Variants in ADIPOR2 observed in about 807,000 individuals in gnomAD.
The protein encoded by ADIPOR2 is adiponectin receptor 2, also known as adiponectin receptor protein 2.
A neutral mutation model predicts 40.9 loss-of-function variants in ADIPOR2; 18 were observed. That is an observed-to-expected ratio of 0.44 (90% CI 0.30 to 0.65). The LOEUF (loss-of-function observed/expected upper bound fraction) is 0.65. Ranked by LOEUF, ADIPOR2 falls within the 30% of genes least tolerant of loss-of-function variation. The pLI is 0.09. For synonymous variants in ADIPOR2, 165 were observed against 166.4 expected (o/e 0.99, Z 0.06); for missense variants, 283 against 479.2 (o/e 0.59, Z 3.82).
intron 1 of ADIPOR2, among the ~76,000 whole-genome samples, chr12:1,704,307 C>T (rs1205559383): frequency 6.6e-6 from 1 of 151,896 alleles, no homozygotes; most frequent in Non-Finnish European, 1.5e-5. Flanking sequence ...TGACTTGATC[C>T]AGAAATAGAA....
At chr12:1,765,662 C>T (rs904381609) in intron 2 of ADIPOR2, among the ~76,000 whole-genome samples, 8 of 152,140 alleles carry the variant, frequency 5.3e-5, no homozygotes, top group African/African-American at 1.9e-4. Flanking sequence ...TCTCAGCCAC[C>T]CTTGATTTCA....
chr12:1,749,144 G>A (rs2094763478), intron 1 of ADIPOR2, among the ~76,000 whole-genome samples: 1 of 152,208 alleles, frequency 6.6e-6, no homozygotes, highest in African/African-American at 2.4e-5. Context: ...GAAGGGACGT[G>A]CAGGGCTACG....
chr12:1,699,860 T>A (rs192589044), intron 1 of ADIPOR2, among the ~76,000 whole-genome samples: 1 of 152,288 alleles, frequency 6.6e-6, no homozygotes, highest in East Asian at 1.9e-4. Context: ...TTACTTATGG[T>A]TTTGAGTTTT....
In ADIPOR2 at chr12:1,754,400, A is replaced by C. The variant is rs1862068024; in HGVS notation, c.57A>C (p.Ile19=). The stretch of plus-strand genomic sequence containing the variant: ...GCAGCAGGACTCCAGAGCCAGATAT[A>C]AGGCTCAGAAAAGGGCACCAACTGG... ...LGCSRTPEPD[I]RLRKGHQLDG... Residue 19 remains isoleucine, a synonymous_variant, in exon 2 of 8, where the codon ATA becomes ATC. Coordinates refer to ENST00000357103, the MANE Select transcript of ADIPOR2 (RefSeq NM_024551.3). 1.2e-6 allele frequency: 2 copies of C among 1,613,484 alleles called. No individual in the cohort carries two copies. Among genetic ancestry groups the C allele is most frequent in the Non-Finnish European group, 8.5e-7 (1 of 1,179,674 alleles).
At position 1,743,674 on chromosome 12, in the gene ADIPOR2, A is replaced by T. The variant is rs2094748603; in HGVS notation, c.-86-10584A>T. ...TGAGACCCTATCTCTAAAAATATTA[A>T]ATTAAAAAAAACCCATACAACTCAA... On this transcript the variant is annotated intron_variant, in intron 1 of 7. Transcript: ENST00000357103. 2.0e-5 allele frequency among the ~76,000 whole-genome samples: 3 copies of T among 152,162 alleles called. 1 individual carries two copies. The highest frequency in any genetic ancestry group is 4.4e-5 in the Non-Finnish European group (3 of 68,032).
intron 6 of ADIPOR2, among the ~76,000 whole-genome samples, chr12:1,782,976 C>CTTTTTTTTTTTTTTTTTTTTTTTT (rs71055199): frequency 2.7e-4 from 30 of 109,756 alleles, no homozygotes; most frequent in Middle Eastern, 5.1e-3. Context: ...TTCTTTCTTT[C>CTTTTTTTTTTTTTTTTTTTTTTTT]TTTTTTTTTT....
At chr12:1,710,843 T>C (rs1448683270) in intron 1 of ADIPOR2, among the ~76,000 whole-genome samples, 1 of 152,082 alleles carries the variant, frequency 6.6e-6, no homozygotes, top group Non-Finnish European at 1.5e-5. Flanking sequence ...TGGGGTTCCA[T>C]TTGTAAGACC....
chr12:1,773,548 T>C (rs1862530018), intron 3 of ADIPOR2, among the ~76,000 whole-genome samples: 1 of 146,972 alleles, frequency 6.8e-6, no homozygotes, highest in Non-Finnish European at 1.5e-5. Context: ...AAAATAGTAA[T>C]TAGAATTGAG....
At chr12:1,701,372 C>T (rs73040715) in intron 1 of ADIPOR2, among the ~76,000 whole-genome samples, 10,974 of 152,142 alleles carry the variant, frequency 0.072, 632 homozygotes, top group East Asian at 0.26. Flanking sequence ...CCATCCACCT[C>T]GGCCTCCCAA....
At chr12:1,729,627 T>G (rs1261006940) in intron 1 of ADIPOR2, among the ~76,000 whole-genome samples, 1 of 40,130 alleles carries the variant, frequency 2.5e-5, no homozygotes, top group African/African-American at 5.7e-5. Context: ...GTTTTTTTTT[T>G]TTTTTTTTTT....
At chr12:1,777,399 T>C (rs1000790408) in intron 3 of ADIPOR2, among the ~76,000 whole-genome samples, 83 of 148,756 alleles carry the variant, frequency 5.6e-4, no homozygotes, top group Non-Finnish European at 2.4e-4. Context: ...TTTTTTTTTT[T>C]TTTTGAGGCA....
chr12:1,768,475 A>G (rs1248544391), intron 2 of ADIPOR2, among the ~76,000 whole-genome samples: 4 of 152,164 alleles, frequency 2.6e-5, no homozygotes, highest in Non-Finnish European at 4.4e-5. Context: ...TTATTTGGCT[A>G]ATTTAGCACT....
intron 1 of ADIPOR2, chr12:1,696,063 C>T (rs2094638184): frequency 6.3e-6 from 1 of 159,358 alleles, no homozygotes; most frequent in Non-Finnish European, 1.4e-5. Context: ...CTAGTCATGT[C>T]TCCTTGTCAG....
intron 3 of ADIPOR2, 61 bp downstream of exon 3, chr12:1,773,022 C>T: frequency 2.5e-6 from 4 of 1,571,960 alleles, no homozygotes; most frequent in Non-Finnish European, 2.6e-6. Flanking sequence ...AAACAGAAAC[C>T]TTTAAAGAGA....
At chr12:1,748,509 A>G (rs542026681) in intron 1 of ADIPOR2, among the ~76,000 whole-genome samples, 11 of 151,956 alleles carry the variant, frequency 7.2e-5, no homozygotes, top group Admixed American at 1.3e-4. Flanking sequence ...CGGCCTCCCA[A>G]AGTGCTGGGA....
chr12:1,716,658 T>A (rs896512009), intron 1 of ADIPOR2, among the ~76,000 whole-genome samples: 1 of 152,254 alleles, frequency 6.6e-6, no homozygotes. Flanking sequence ...GTGATGCATC[T>A]AGAAGATGCA....
intron 1 of ADIPOR2, among the ~76,000 whole-genome samples, chr12:1,728,127 T>G (rs941539578): frequency 6.6e-6 from 1 of 151,804 alleles, no homozygotes; most frequent in Non-Finnish European, 1.5e-5. Flanking sequence ...TTTTTTTTTT[T>G]CTGAGATGAA....
intron 1 of ADIPOR2, among the ~76,000 whole-genome samples, chr12:1,698,978 G>A (rs906147298): frequency 1.3e-5 from 2 of 152,144 alleles, no homozygotes; most frequent in African/African-American, 2.4e-5. Flanking sequence ...GTTGATTTAC[G>A]ATTACTTCAG....
At chr12:1,738,273 C>T (rs377167254) in intron 1 of ADIPOR2, among the ~76,000 whole-genome samples, 3 of 151,576 alleles carry the variant, frequency 2.0e-5, no homozygotes, top group South Asian at 2.1e-4. Flanking sequence ...CCCAGCTACC[C>T]GGGAAACTGA....
Sources: gnomAD v4.1 joint callset for allele counts (sites outside exome capture counted in the v4.1 genomes callset) on GRCh38, gnomAD v4.1.1 for gene constraint, MANE v1.5 for transcripts, NCBI Gene and HGNC (gene_info 2026-07-23, HGNC 2026-07-21) for gene names.